The following SMYD3 variants were observed in gnomAD, a reference collection of about 807,000 sequenced individuals.
The protein encoded by SMYD3 is SET and MYND domain containing 3.
In SMYD3, 36 loss-of-function variants were observed where a neutral mutation model predicts 57.7. That is an observed-to-expected ratio of 0.62 (90% CI 0.48 to 0.82). SMYD3 has a LOEUF of 0.82. Ranked by LOEUF, SMYD3 falls within the 40% of genes least tolerant of loss-of-function variation. The pLI, the probability that SMYD3 is intolerant of heterozygous loss-of-function variation, is 0.00. For missense variants in SMYD3, 515 were observed against 538.8 expected, an observed-to-expected ratio of 0.96 and a Z score of 0.44; for synonymous variants, 211 against 195.0, an observed-to-expected ratio of 1.08 and a Z score of -0.68.
chr1:246,074,871 G>C (rs1000057567), intron 5 of SMYD3, among the ~76,000 whole-genome samples: 1 of 151,378 alleles, frequency 6.6e-6, no homozygotes, highest in African/African-American at 2.4e-5. Flanking sequence ...GGGTAACAAA[G>C]TTGGAGCACA....
chr1:246,143,961 A>T lies in SMYD3; in HGVS notation c.531+183240T>A, dbSNP rs73141345. Reference sequence around the variant, plus strand: ...CAGCCAGGCACTCGTTTCCTCACACAACAGCAGCATGGCTAACCAACAGCT... The same window carrying T: ...CAGCCAGGCACTCGTTTCCTCACACTACAGCAGCATGGCTAACCAACAGCT... On this transcript the variant is annotated intron_variant, in intron 5 of 11. Transcript: ENST00000490107. Among the ~76,000 whole-genome samples the T allele has an allele frequency of 8.2e-3, 1,255 of 152,342 alleles. 14 individuals are homozygous for T. Among genetic ancestry groups the T allele is most frequent in the African/African-American group, 0.028 (1,164 of 41,570 alleles).
chr1:246,131,932 T>C (rs1158852442), intron 5 of SMYD3, among the ~76,000 whole-genome samples: 1 of 152,178 alleles, frequency 6.6e-6, no homozygotes, highest in African/African-American at 2.4e-5. Flanking sequence ...AAATTCTTGA[T>C]GTCCTTCTGA....
intron 5 of SMYD3, among the ~76,000 whole-genome samples, chr1:246,221,924 C>G (rs1459086033): frequency 6.6e-6 from 1 of 152,182 alleles, no homozygotes; most frequent in East Asian, 1.9e-4. Flanking sequence ...AAGTGACACC[C>G]CAAAGACCCC....
intron 5 of SMYD3, among the ~76,000 whole-genome samples, chr1:246,131,271 G>A (rs1395815468): frequency 1.3e-5 from 2 of 152,106 alleles, no homozygotes; most frequent in African/African-American, 4.8e-5. Context: ...AGGTCTTGTC[G>A]TGTTTAATTC....
chr1:245,885,052 G>C (rs930879009), intron 8 of SMYD3, among the ~76,000 whole-genome samples: 2 of 152,040 alleles, frequency 1.3e-5, no homozygotes, highest in African/African-American at 4.8e-5. Context: ...CTTCACTCCT[G>C]AAGTCAGCGA....
intron 8 of SMYD3, among the ~76,000 whole-genome samples, chr1:245,895,309 C>A (rs114393409): frequency 6.6e-6 from 1 of 152,148 alleles, no homozygotes; most frequent in African/African-American, 2.4e-5. Flanking sequence ...CACACGCACA[C>A]GCACGCACAC....
chr1:246,005,853 T>C (rs2059159044), intron 5 of SMYD3, among the ~76,000 whole-genome samples: 1 of 152,142 alleles, frequency 6.6e-6, no homozygotes, highest in Non-Finnish European at 1.5e-5. Flanking sequence ...TTAGGGCCCC[T>C]GTCAGAACCA....
chr1:245,785,663 G>A (rs1033479367), intron 10 of SMYD3, among the ~76,000 whole-genome samples: 1 of 151,878 alleles, frequency 6.6e-6, no homozygotes, highest in Non-Finnish European at 1.5e-5. Context: ...GAGAGAGAGT[G>A]CGTGAGAGAG....
intron 5 of SMYD3, among the ~76,000 whole-genome samples, chr1:245,990,100 G>A (rs1394014615): frequency 6.6e-6 from 1 of 152,058 alleles, no homozygotes; most frequent in Non-Finnish European, 1.5e-5. Context: ...CAGGGCCTCA[G>A]TCTGTGGCTC....
chr1:245,985,463 C>T (rs2058685479), intron 5 of SMYD3, among the ~76,000 whole-genome samples: 1 of 152,076 alleles, frequency 6.6e-6, no homozygotes, highest in African/African-American at 2.4e-5. Flanking sequence ...AACAAAATGG[C>T]TCCTCCAACT....
In SMYD3 at chr1:245,936,642, C is replaced by T. The variant is rs946147; in HGVS notation, c.532-6705G>A. On this transcript the variant is annotated intron_variant, in intron 5 of 11. Coordinates refer to ENST00000490107, the MANE Select transcript of SMYD3 (RefSeq NM_001167740.2). ...AGGCGCAGCGGCTCACTCCTGTAAT[C>T]CCAGTACTTTGGGAGGCCAAGGCAA... Among the ~76,000 whole-genome samples, 1,190 of 152,274 alleles carry T rather than the reference C, an allele frequency of 7.8e-3. 15 individuals carry two copies. The highest frequency in any genetic ancestry group is 0.027 in the African/African-American group (1,114 of 41,554).
In SMYD3 at chr1:246,323,480, G is replaced by C. The variant is rs1490577890; in HGVS notation, c.531+3721C>G. On this transcript the variant is annotated intron_variant, in intron 5 of 11. Transcript: ENST00000490107. ...CACCATTTTTCCGCCAGAAACTCCAGTGTTCAAAATACAAACTGCCAACTT... is the reference window on the plus strand; with the variant it reads ...CACCATTTTTCCGCCAGAAACTCCACTGTTCAAAATACAAACTGCCAACTT... 2.6e-5 allele frequency among the ~76,000 whole-genome samples: 4 copies of C among 152,296 alleles called. No homozygotes were observed. The South Asian group carries it at 6.2e-4, about 24-fold the overall frequency.
chr1:246,240,658 T>C (rs61841265), intron 5 of SMYD3, among the ~76,000 whole-genome samples: 38,041 of 152,168 alleles, frequency 0.25, 5,648 homozygotes, highest in Middle Eastern at 0.35. Flanking sequence ...GGCAATAGCA[T>C]TGAATCTACA....
intron 5 of SMYD3, among the ~76,000 whole-genome samples, chr1:246,216,117 G>A (rs535907122): frequency 2.4e-4 from 36 of 151,954 alleles, no homozygotes; most frequent in Non-Finnish European, 3.7e-4. Flanking sequence ...GTGAAACCCC[G>A]TCTCTACTAA....
intron 5 of SMYD3, among the ~76,000 whole-genome samples, chr1:246,230,187 C>T (rs2063389501): frequency 6.6e-6 from 1 of 152,160 alleles, no homozygotes; most frequent in Non-Finnish European, 1.5e-5. Context: ...GAACTACATG[C>T]TATTCTGTAT....
At chr1:246,343,320 G>A (rs149440915) in intron 2 of SMYD3, among the ~76,000 whole-genome samples, 2 of 152,306 alleles carry the variant, frequency 1.3e-5, no homozygotes, top group Non-Finnish European at 2.9e-5. Context: ...TACGGTAGGT[G>A]AGCACATGTA....
In SMYD3 at chr1:246,478,930, C is replaced by T. The variant is rs34012138; in HGVS notation, c.164+28124G>A. Among the ~76,000 whole-genome samples the T allele has an allele frequency of 3.0e-4, 32 of 107,412 alleles. 1 individual carries two copies. The highest frequency in any genetic ancestry group is 6.2e-4 in the South Asian group (2 of 3,252). The allele number at this position is 107,412 out of a possible 152,430, so 70.5% of individuals were successfully genotyped here. A position where few individuals can be genotyped will look rare whatever the true frequency, so the allele number is the denominator to read the frequency against. ...TGCTCGTATATGTACACCTGTCCTC[C>T]GTCCTGGAGCTGGTACATAAGTGCT... On this transcript the variant is annotated intron_variant, in intron 1 of 11. Transcript: ENST00000490107.
chr1:246,372,552 G>C (rs2066210075), intron 1 of SMYD3, among the ~76,000 whole-genome samples: 1 of 152,190 alleles, frequency 6.6e-6, no homozygotes. Flanking sequence ...ATTTTGCATA[G>C]AGTAGGTACA....
Position 245,749,577 on chromosome 1 carries a change from T to C in SMYD3, c.1273A>G (p.Ile425Val). 6.2e-7 allele frequency: 1 copy of C among 1,614,026 alleles called. No individual in the cohort carries two copies. Among genetic ancestry groups the C allele is most frequent in the Non-Finnish European group, 8.5e-7 (1 of 1,179,862 alleles). Reference protein sequence around the residue: ...ILLLEECDANIRAS With the variant: ...ILLLEECDANVRAS ...ACTGCGTTCCCTTAGGATGCTCTGA[T>C]GTTGGCGTCGCATTCTTCTAAAAGT... Residue 425 changes from isoleucine (I) to valine (V), a missense_variant, in exon 12 of 12, where the codon ATC (isoleucine) becomes GTC (valine). Physicochemically the swap from Ile to Val is conservative, Grantham distance 29. Coordinates refer to ENST00000490107, the MANE Select transcript of SMYD3 (RefSeq NM_001167740.2).
Sources: gnomAD v4.1 joint callset for allele counts (sites outside exome capture counted in the v4.1 genomes callset) on GRCh38, gnomAD v4.1.1 for gene constraint, MANE v1.5 for transcripts, NCBI Gene and HGNC (gene_info 2026-07-23, HGNC 2026-07-21) for gene names.